The following TMCC1 variants were observed in gnomAD, a reference collection of about 807,000 sequenced individuals.
TMCC1 encodes transmembrane and coiled-coil domain family 1.
In TMCC1, 15 loss-of-function variants were observed where a neutral mutation model predicts 52.4. The ratio of observed to expected loss-of-function variants is 0.29; its 90% CI spans 0.19 to 0.44. The LOEUF (loss-of-function observed/expected upper bound fraction) is 0.44. TMCC1 is among the 20% of genes least tolerant of loss of function. TMCC1 has a pLI of 1.00. For synonymous variants in TMCC1, 279 were observed against 301.9 expected (o/e 0.92, Z 0.79); for missense variants, 503 against 806.0 (o/e 0.62, Z 4.55).
At chr3:129,756,490 C>T (rs2107666426) in intron 4 of TMCC1, among the ~76,000 whole-genome samples, 1 of 152,224 alleles carries the variant, frequency 6.6e-6, no homozygotes, top group South Asian at 2.1e-4. Flanking sequence ...CCTTCGCCTC[C>T]CAGGTTCAAG....
intron 4 of TMCC1, among the ~76,000 whole-genome samples, chr3:129,732,525 T>G (rs747049056): frequency 2.6e-5 from 4 of 152,190 alleles, no homozygotes; most frequent in Non-Finnish European, 5.9e-5. Context: ...TTTAAAGAGT[T>G]TATTTTCAAA....
At chr3:129,666,017 T>C (rs959324543) in intron 5 of TMCC1, among the ~76,000 whole-genome samples, 7 of 151,984 alleles carry the variant, frequency 4.6e-5, no homozygotes, top group Non-Finnish European at 8.8e-5. Context: ...CAGATACTAG[T>C]AAAATAAACT....
At chr3:129,764,110 T>C (rs1366678011) in intron 4 of TMCC1, among the ~76,000 whole-genome samples, 1 of 152,194 alleles carries the variant, frequency 6.6e-6, no homozygotes, top group Non-Finnish European at 1.5e-5. Context: ...TAAAATATGA[T>C]GAGCTACTGA....
chr3:129,877,280 C>T (rs2061259164), intron 2 of TMCC1, among the ~76,000 whole-genome samples: 1 of 152,174 alleles, frequency 6.6e-6, no homozygotes, highest in South Asian at 2.1e-4. Flanking sequence ...GCCCTCATCT[C>T]AATTGTAGTA....
intron 2 of TMCC1, among the ~76,000 whole-genome samples, chr3:129,877,625 T>A (rs1217254711): frequency 8.9e-6 from 1 of 112,412 alleles, no homozygotes; most frequent in Non-Finnish European, 1.7e-5. Flanking sequence ...TCCCTAAGTC[T>A]TTTTTTTTTT....
intron 2 of TMCC1, among the ~76,000 whole-genome samples, chr3:129,840,025 A>AG (rs1441508467): frequency 2.9e-4 from 2 of 6,902 alleles, no homozygotes; most frequent in East Asian, 0.014. Context: ...AGACTGGGGG[A>AG]GAAAAAAAAA....
chr3:129,779,149 G>A (rs1011084485), intron 4 of TMCC1, among the ~76,000 whole-genome samples: 1 of 152,222 alleles, frequency 6.6e-6, no homozygotes. Flanking sequence ...AATCAGCTAA[G>A]AATGGTCATG....
At chr3:129,812,839 A>G (rs2057895638) in intron 4 of TMCC1, among the ~76,000 whole-genome samples, 2 of 152,184 alleles carry the variant, frequency 1.3e-5, no homozygotes, top group African/African-American at 2.4e-5. Context: ...CAATGAAACT[A>G]AAGAGCTTCT....
chr3:129,833,848 C>T (rs998463499), intron 2 of TMCC1, among the ~76,000 whole-genome samples: 7 of 151,996 alleles, frequency 4.6e-5, no homozygotes, highest in Admixed American at 1.3e-4. Context: ...TTGGAAGCAC[C>T]AAAATTAAAT....
At chr3:129,726,543 A>C (rs913340484) in intron 4 of TMCC1, among the ~76,000 whole-genome samples, 16 of 152,164 alleles carry the variant, frequency 1.1e-4, no homozygotes, top group African/African-American at 3.6e-4. Context: ...ACTTTTTAAA[A>C]AGTATACCTC....
At chr3:129,705,574 T>A (rs1483522168) in intron 4 of TMCC1, among the ~76,000 whole-genome samples, 1 of 152,052 alleles carries the variant, frequency 6.6e-6, no homozygotes, top group Non-Finnish European at 1.5e-5. Flanking sequence ...CTCATTGGCC[T>A]GACTTCTTTA....
intron 4 of TMCC1, among the ~76,000 whole-genome samples, chr3:129,734,339 AAGAG>A (rs1379772150): frequency 2.0e-5 from 3 of 152,248 alleles, no homozygotes; most frequent in Non-Finnish European, 4.4e-5. Context: ...TAACATGTAG[AAGAG>A]AATCATTTAC....
intron 2 of TMCC1, among the ~76,000 whole-genome samples, chr3:129,861,948 C>A (rs2060417757): frequency 6.6e-6 from 1 of 151,992 alleles, no homozygotes; most frequent in South Asian, 2.1e-4. Context: ...AAAATGGAAC[C>A]AATGTAAATG....
At chr3:129,836,899 C>G (rs1490933719) in intron 2 of TMCC1, among the ~76,000 whole-genome samples, 3 of 152,190 alleles carry the variant, frequency 2.0e-5, no homozygotes, top group Non-Finnish European at 2.9e-5. Flanking sequence ...CCATCTCCAC[C>G]CCCGTGGAGC....
At chr3:129,797,102 G>A (rs1055040570) in intron 4 of TMCC1, among the ~76,000 whole-genome samples, 2 of 152,114 alleles carry the variant, frequency 1.3e-5, no homozygotes, top group Admixed American at 6.5e-5. Context: ...GAGGCAGGTG[G>A]ATCACGAGGT....
intron 4 of TMCC1, among the ~76,000 whole-genome samples, chr3:129,704,778 A>G (rs2048095217): frequency 6.6e-6 from 1 of 152,176 alleles, no homozygotes; most frequent in Non-Finnish European, 1.5e-5. Flanking sequence ...TAAGGACTCC[A>G]ACCTCATATC....
chr3:129,714,056 A>T (rs2048890176), intron 4 of TMCC1, among the ~76,000 whole-genome samples: 1 of 152,210 alleles, frequency 6.6e-6, no homozygotes, highest in South Asian at 2.1e-4. Context: ...CCAACTGATA[A>T]TTGTAAAATA....
chr3:129,845,485 C>T (rs980296704), intron 2 of TMCC1, among the ~76,000 whole-genome samples: 4 of 152,166 alleles, frequency 2.6e-5, no homozygotes, highest in Non-Finnish European at 5.9e-5. Context: ...AGGCATCCAG[C>T]TTTCCTCAGA....
At chr3:129,858,200 C>T (rs922399809) in intron 2 of TMCC1, among the ~76,000 whole-genome samples, 2 of 152,194 alleles carry the variant, frequency 1.3e-5, no homozygotes, top group African/African-American at 4.8e-5. Flanking sequence ...ACTATTCTAC[C>T]ACATGTGTCC....
Sources: gnomAD v4.1 joint callset for allele counts (sites outside exome capture counted in the v4.1 genomes callset) on GRCh38, gnomAD v4.1.1 for gene constraint, MANE v1.5 for transcripts, NCBI Gene and HGNC (gene_info 2026-07-23, HGNC 2026-07-21) for gene names.